The following TBC1D24 variants were observed in gnomAD, a reference collection of about 807,000 sequenced individuals.
The protein encoded by TBC1D24 is TBC1 domain family member 24, also known as Infantile myoclonic epilepsy.
In TBC1D24, 47 loss-of-function variants were observed where a neutral mutation model predicts 50.7. The observed-to-expected ratio is 0.93, with a 90% CI of 0.73 to 1.18. The LOEUF is 1.18. Among genes scored for constraint, TBC1D24 ranks in the 50% most tolerant of loss-of-function variants. The pLI is 0.00. For synonymous variants in TBC1D24, 324 were observed against 335.2 expected (o/e 0.97, Z 0.36); for missense variants, 688 against 766.5 (o/e 0.90, Z 1.21).
chr16:2,496,571 G>A lies in TBC1D24; in HGVS notation c.423G>A (p.Leu141=). 1 of 1,609,168 alleles carries A rather than the reference G, an allele frequency of 6.2e-7. No individual in the cohort carries two copies. Among genetic ancestry groups the A allele is most frequent in the Admixed American group, 1.7e-5 (1 of 60,018 alleles). ...CCCTGCCGGCCGTGGTGGCCCTGCTGCTGCACTACAGCATCGACGAGGCCG... is the reference window on the plus strand; with the variant it reads ...CCCTGCCGGCCGTGGTGGCCCTGCTACTGCACTACAGCATCGACGAGGCCG... ...CPALPAVVAL[L]LHYSIDEAEC... The change falls in exon 2 of 8, where the codon CTG becomes CTA. Residue 141 remains leucine (L), a synonymous_variant. Transcript: ENST00000646147.
At chr16:2,490,571 G>A (rs2065687518) in intron 1 of TBC1D24, among the ~76,000 whole-genome samples, 2 of 152,204 alleles carry the variant, frequency 1.3e-5, no homozygotes, top group Admixed American at 1.3e-4. Flanking sequence ...ACTGTTCATG[G>A]GGTGTCACCC....
At position 2,501,347 on chromosome 16, in the gene TBC1D24, C is replaced by A. The variant is rs189378766; in HGVS notation, c.*389C>A. 1,463 of 279,298 alleles carry A rather than the reference C, an allele frequency of 5.2e-3. 54 individuals are homozygous for A. In the Admixed American group the frequency reaches 0.063, roughly 12 times the overall value. 17.3% of individuals were successfully genotyped at this position (279,298 alleles called of 1,614,324 possible). A position where few individuals can be genotyped will look rare whatever the true frequency, so the allele number is the denominator to read the frequency against. On this transcript the variant is annotated 3_prime_UTR_variant, in exon 8 of 8. Transcript: ENST00000646147. ...GGAGTACAACGGCAGTGGGAACGTG[C>A]AGCTAAGGGTGGGCCTGTGGTGCCC...
At chr16:2,484,439 G>T (rs531799815) in intron 1 of TBC1D24, 161 of 152,576 alleles carry the variant, frequency 1.1e-3, no homozygotes, top group Admixed American at 3.7e-3. Flanking sequence ...ACCCCAGCAC[G>T]CTGTAACCGC....
rs535968288 is a variant in TBC1D24, at chr16:2,500,187, G to C, written c.1303-81G>C. The C allele has an allele frequency of 2.2e-6, 3 of 1,368,318 alleles. No individual in the cohort carries two copies. The African/African-American group carries it at 4.3e-5, about 20-fold the overall frequency. The allele number at this position is 1,368,318 out of a possible 1,614,324, so 84.8% of individuals were successfully genotyped here. The stretch of plus-strand genomic sequence containing the variant: ...CCTTGGGCTCTGGGTGCAGATTCAC[G>C]GGATGAAACGGGTTGTGGCTCTGGG... On this transcript the variant is annotated intron_variant, in intron 6 of 7. Coordinates refer to ENST00000646147, the MANE Select transcript of TBC1D24 (RefSeq NM_001199107.2). The surrounding 1 kb of genome is among the most constrained non-coding windows in gnomAD (Gnocchi z 8.0).
At chr16:2,489,946 G>A (rs943423953) in intron 1 of TBC1D24, among the ~76,000 whole-genome samples, 1 of 152,222 alleles carries the variant, frequency 6.6e-6, no homozygotes, top group Non-Finnish European at 1.5e-5. Context: ...GGGCTTGTGG[G>A]TGTGTCCGTG....
At position 2,500,589 on chromosome 16, in the gene TBC1D24, G is replaced by T; in HGVS notation, c.1525+99G>T. ...CCCTGACCGGGGTGGCAGAGAAGAG[G>T]CCCTGGGTGTCAGGGTGGACCAGGC... On this transcript the variant is annotated intron_variant, in intron 7 of 7. Coordinates refer to ENST00000646147, the MANE Select transcript of TBC1D24 (RefSeq NM_001199107.2). The surrounding 1 kb of genome is among the most constrained non-coding windows in gnomAD (Gnocchi z 8.0). The T allele has an allele frequency of 7.3e-7, 1 of 1,379,228 alleles. No homozygotes were observed. Among genetic ancestry groups the T allele is most frequent in the Non-Finnish European group, 9.8e-7 (1 of 1,018,696 alleles). 85.4% of individuals were successfully genotyped at this position (1,379,228 alleles called of 1,614,324 possible). A position where few individuals can be genotyped will look rare whatever the true frequency, so the allele number is the denominator to read the frequency against.
Position 2,503,139 on chromosome 16 carries a change from G to C in TBC1D24, c.*2181G>C, listed in dbSNP as rs1179963570. ...GGTTCTGCGTGGCTGCCCCCAGGGG[G>C]CCCCACCCGGGCCTTCCAGTGATCT... On this transcript the variant is annotated 3_prime_UTR_variant, in exon 8 of 8. Coordinates refer to ENST00000646147, the MANE Select transcript of TBC1D24 (RefSeq NM_001199107.2). 6.6e-6 allele frequency: 1 copy of C among 152,254 alleles called. No individual in the cohort carries two copies. Among genetic ancestry groups the C allele is most frequent in the Non-Finnish European group, 1.5e-5 (1 of 68,044 alleles). 9.4% of individuals were successfully genotyped at this position (152,254 alleles called of 1,614,324 possible).
In TBC1D24 at chr16:2,485,823, A is replaced by G; in HGVS notation, c.-115-10211A>G. The stretch of plus-strand genomic sequence containing the variant: ...GATTGCGGTGCTGGCGTCAGAGCAG[A>G]GGAAAACGTGGTATGAGAGTTTTTC... On this transcript the variant is annotated intron_variant, in intron 1 of 7. Coordinates refer to ENST00000646147, the MANE Select transcript of TBC1D24 (RefSeq NM_001199107.2). This position sits in a 1 kb window ranked among gnomAD's most constrained non-coding sequence, Gnocchi z 4.6. Among the ~76,000 whole-genome samples the G allele has an allele frequency of 6.6e-6, 1 of 152,208 alleles. No homozygotes were observed. The highest frequency in any genetic ancestry group is 1.9e-4 in the East Asian group (1 of 5,190).
rs901066085 is a variant in TBC1D24, at chr16:2,486,282, T to A, written c.-115-9752T>A. Among the ~76,000 whole-genome samples the A allele has an allele frequency of 1.3e-5, 2 of 152,284 alleles. No individual in the cohort carries two copies. Among genetic ancestry groups the A allele is most frequent in the African/African-American group, 4.8e-5 (2 of 41,546 alleles). Reference sequence around the variant, plus strand: ...GGTCCCTAGCTGCGGGCGTTGGCGTTCCCCACCCATGGGGCCCGGCCTCAT... The same window carrying A: ...GGTCCCTAGCTGCGGGCGTTGGCGTACCCCACCCATGGGGCCCGGCCTCAT... On this transcript the variant is annotated intron_variant, in intron 1 of 7. Transcript: ENST00000646147. The surrounding 1 kb of genome is among the most constrained non-coding windows in gnomAD (Gnocchi z 5.8).
Position 2,500,212 on chromosome 16 carries a change from G to A in TBC1D24, c.1303-56G>A. On this transcript the variant is annotated intron_variant, in intron 6 of 7. Coordinates refer to ENST00000646147, the MANE Select transcript of TBC1D24 (RefSeq NM_001199107.2). This position sits in a 1 kb window ranked among gnomAD's most constrained non-coding sequence, Gnocchi z 8.0. ...GGGATGAAACGGGTTGTGGCTCTGGGGCAGAGGGGCCTGCGAACGCCCGCG... is the reference window on the plus strand; with the variant it reads ...GGGATGAAACGGGTTGTGGCTCTGGAGCAGAGGGGCCTGCGAACGCCCGCG... 6.8e-7 allele frequency: 1 copy of A among 1,465,432 alleles called. No homozygotes were observed. The highest frequency in any genetic ancestry group is 9.3e-7 in the Non-Finnish European group (1 of 1,069,748). 90.8% of individuals were successfully genotyped at this position (1,465,432 alleles called of 1,614,324 possible).
In TBC1D24 at chr16:2,496,358, C is replaced by A. The variant is rs373872223; in HGVS notation, c.210C>A (p.Asp70Glu). 2 of 1,613,472 alleles carry A rather than the reference C, an allele frequency of 1.2e-6. No homozygotes were observed. The highest frequency in any genetic ancestry group is 1.7e-6 in the Non-Finnish European group (2 of 1,180,010). ...TTCCCTGCCGCACGGTCACGCCTGA[C>A]GCCAGCGTGTACAGCGACATCGTGG... ...RDIPCRTVTP[D>E]ASVYSDIVGK... is the part of the protein sequence containing the mutation. The change falls in exon 2 of 8, where the codon GAC (aspartate) becomes GAA (glutamate). Residue 70 changes from aspartate (D) to glutamate (E), a missense_variant. By Grantham distance (45) the Asp-to-Glu change is conservative. Transcript: ENST00000646147.
chr16:2,500,947 G>T lies in TBC1D24; in HGVS notation c.1669G>T (p.Asp557Tyr). 1 of 1,610,832 alleles carries T rather than the reference G, an allele frequency of 6.2e-7. No individual in the cohort carries two copies. ...GGAGGCCTGGGGCTTCCAGGACCCT[G>T]ACACCCAGTGACGGCCTGTGCCACG... ...AVEAWGFQDP[D>Y]TQ Residue 557 changes from aspartate (D) to tyrosine (Y), a missense_variant, in exon 8 of 8, where the codon GAC becomes TAC. Transcript: ENST00000646147. The surrounding 1 kb of genome is among the most constrained non-coding windows in gnomAD (Gnocchi z 8.0).
chr16:2,475,287 C>A lies in TBC1D24; in HGVS notation c.-116+117C>A, dbSNP rs1335969432. On this transcript the variant is annotated intron_variant, in intron 1 of 7. Coordinates refer to ENST00000646147, the MANE Select transcript of TBC1D24 (RefSeq NM_001199107.2). The surrounding 1 kb of genome is among the most constrained non-coding windows in gnomAD (Gnocchi z 4.2). ...GGGCGGGAGCGTGGGGGCCGGGCTGCGGGCCCCATTCGAGGCGGGGATCCC... is the reference window on the plus strand; with the variant it reads ...GGGCGGGAGCGTGGGGGCCGGGCTGAGGGCCCCATTCGAGGCGGGGATCCC... 2 of 150,148 alleles carry A rather than the reference C, an allele frequency of 1.3e-5. No individual in the cohort carries two copies. The highest frequency in any genetic ancestry group is 1.3e-4 in the Admixed American group (2 of 15,108). 9.3% of individuals were successfully genotyped at this position (150,148 alleles called of 1,614,324 possible).
chr16:2,499,277 C>A lies in TBC1D24; in HGVS notation c.1143-80C>A, dbSNP rs1474783897. ...CAGTTCCCAGGTCTTCGCCCCAAGA[C>A]AGCTGGGGCCAGCGGAGGCTGCAGG... On this transcript the variant is annotated intron_variant, in intron 4 of 7. Transcript: ENST00000646147. This position sits in a 1 kb window ranked among gnomAD's most constrained non-coding sequence, Gnocchi z 4.0. The A allele has an allele frequency of 1.5e-6, 2 of 1,331,706 alleles. No individual in the cohort carries two copies. Among genetic ancestry groups the A allele is most frequent in the Non-Finnish European group, 1.1e-6 (1 of 940,918 alleles). 82.5% of individuals were successfully genotyped at this position (1,331,706 alleles called of 1,614,324 possible).
In TBC1D24 at chr16:2,490,381, C is replaced by T. The variant is rs970091509; in HGVS notation, c.-115-5653C>T. 2.0e-5 allele frequency among the ~76,000 whole-genome samples: 3 copies of T among 152,232 alleles called. No homozygotes were observed. In the East Asian group the frequency reaches 5.8e-4, roughly 29 times the overall value. ...CCTCACTCCGTGCCTCTGCAGGGAA[C>T]TGGAGCCTGGTGGGGAAGCACACTT... is the stretch of plus-strand genomic sequence containing the variant. On this transcript the variant is annotated intron_variant, in intron 1 of 7. Transcript: ENST00000646147.
In TBC1D24 at chr16:2,501,312, C is replaced by T. The variant is rs1418941620; in HGVS notation, c.*354C>T. 2 of 324,434 alleles carry T rather than the reference C, an allele frequency of 6.2e-6. No individual in the cohort carries two copies. Among genetic ancestry groups the T allele is most frequent in the Non-Finnish European group, 1.2e-5 (2 of 170,208 alleles). The allele number at this position is 324,434 out of a possible 1,614,324, so 20.1% of individuals were successfully genotyped here. On this transcript the variant is annotated 3_prime_UTR_variant, in exon 8 of 8. Transcript: ENST00000646147. Reference sequence around the variant, plus strand: ...CTGAGCCTCTCTAGGCAGCCTGAGCCCCTGGGGTGGGAGTACAACGGCAGT... The same window carrying T: ...CTGAGCCTCTCTAGGCAGCCTGAGCTCCTGGGGTGGGAGTACAACGGCAGT...
chr16:2,503,704 C>CCT lies in TBC1D24; in HGVS notation c.*2746_*2747insCT, dbSNP rs2065812370. ...CTGAGTAGCTGGGATTACAGGCATA[C>CCT]GCCACCACGCCCAGCTAAATTTTTT... is the stretch of plus-strand genomic sequence containing the variant. On this transcript the variant is annotated 3_prime_UTR_variant, in exon 8 of 8. Coordinates refer to ENST00000646147, the MANE Select transcript of TBC1D24 (RefSeq NM_001199107.2). The CCT allele has an allele frequency of 6.6e-6, 1 of 151,834 alleles. No individual in the cohort carries two copies. Among genetic ancestry groups the CCT allele is most frequent in the Non-Finnish European group, 1.5e-5 (1 of 67,998 alleles). The allele number at this position is 151,834 out of a possible 1,614,324, so 9.4% of individuals were successfully genotyped here. A position where few individuals can be genotyped will look rare whatever the true frequency, so the allele number is the denominator to read the frequency against.
intron 3 of TBC1D24, 28 bp from the exon 4 acceptor site, chr16:2,498,210 G>A (rs2141874088): frequency 6.3e-7 from 1 of 1,578,852 alleles, no homozygotes; most frequent in East Asian, 2.3e-5. Flanking sequence ...CGTGCCTTCG[G>A]GCTCTGACCC....
At chr16:2,490,911 T>A (rs1464882492) in intron 1 of TBC1D24, among the ~76,000 whole-genome samples, 2 of 152,190 alleles carry the variant, frequency 1.3e-5, no homozygotes, top group Non-Finnish European at 1.5e-5. Context: ...GGAGGCCTTG[T>A]TTGCTGCGTA....
Sources: allele counts gnomAD v4.1 joint callset (sites outside exome capture counted in the v4.1 genomes callset), GRCh38; gene constraint gnomAD v4.1.1; non-coding constraint Gnocchi (gnomAD v3.1); transcripts MANE v1.5; gene names NCBI Gene and HGNC (gene_info 2026-07-23, HGNC 2026-07-21).